RBFOX1: variants seen among roughly 807,000 people sequenced by gnomAD.
RBFOX1 encodes the protein RNA binding protein fox-1 homolog 1.
Under a neutral mutation model 57.7 loss-of-function variants are expected in RBFOX1, and 8 were observed. The observed-to-expected ratio is 0.14, with a 90% CI of 0.08 to 0.25. The LOEUF is 0.25. Ranked by LOEUF, RBFOX1 falls within the 10% of genes least tolerant of loss-of-function variation. The pLI is 1.00. For missense variants in RBFOX1, 611 were observed against 548.5 expected (o/e 1.11, Z -1.14); for synonymous variants, 326 against 222.4 (o/e 1.47, Z -4.15).
chr16:7,565,132 G>C (rs867041056), intron 5 of RBFOX1, among the ~76,000 whole-genome samples: 1 of 152,138 alleles, frequency 6.6e-6, no homozygotes, highest in Admixed American at 6.5e-5. Flanking sequence ...GTGGGTTTTA[G>C]TTCACATTCC....
chr16:6,653,339 A>C (rs2098613509), intron 2 of RBFOX1, among the ~76,000 whole-genome samples: 1 of 152,166 alleles, frequency 6.6e-6, no homozygotes, highest in Non-Finnish European at 1.5e-5. Context: ...GAATGTAAGC[A>C]TCACCAGGGC....
chr16:7,311,302 C>G (rs1461678957), intron 4 of RBFOX1, among the ~76,000 whole-genome samples: 1 of 152,008 alleles, frequency 6.6e-6, no homozygotes, highest in Non-Finnish European at 1.5e-5. Flanking sequence ...GGAAGGGGAA[C>G]TGGAGTGGAA....
At chr16:5,467,188 CTCTCTCTCT>C (rs2068978677) in intron 1 of RBFOX1, 4 of 1,463,638 alleles carry the variant, frequency 2.7e-6, no homozygotes, top group South Asian at 2.5e-5. Context: ...CTCTCTCTCT[CTCTCTCTCT>C]TTTTTTTTTT....
At chr16:7,437,400 T>A (rs2098731585) in intron 4 of RBFOX1, among the ~76,000 whole-genome samples, 2 of 152,098 alleles carry the variant, frequency 1.3e-5, no homozygotes, top group Non-Finnish European at 2.9e-5. Context: ...GGCTCTCCCA[T>A]GTCAGATTCT....
chr16:5,760,249 C>T (rs950648508), intron 3 of RBFOX1, among the ~76,000 whole-genome samples: 1 of 152,030 alleles, frequency 6.6e-6, no homozygotes, highest in South Asian at 2.1e-4. Context: ...CAAACAGAGA[C>T]AGTTGGTTGC....
At chr16:7,586,240 T>G (rs1016514365) in intron 6 of RBFOX1, among the ~76,000 whole-genome samples, 1 of 152,198 alleles carries the variant, frequency 6.6e-6, no homozygotes, top group Non-Finnish European at 1.5e-5. Flanking sequence ...CTCGTACTTA[T>G]GCAGGTTAGG....
chr16:7,416,264 G>C (rs143478772), intron 4 of RBFOX1, among the ~76,000 whole-genome samples: 1 of 152,148 alleles, frequency 6.6e-6, no homozygotes, highest in Non-Finnish European at 1.5e-5. Context: ...CTCCCTTTCT[G>C]TGTCTCTCAG....
intron 4 of RBFOX1, among the ~76,000 whole-genome samples, chr16:7,161,439 G>A (rs764685387): frequency 1.1e-4 from 16 of 152,220 alleles, no homozygotes; most frequent in Non-Finnish European, 1.8e-4. Context: ...CTAAGTGTGA[G>A]GCACTTGAAA....
chr16:6,539,806 G>GACACACACACACACAC (rs35407844), intron 2 of RBFOX1, among the ~76,000 whole-genome samples: 3,065 of 136,254 alleles, frequency 0.022, 109 homozygotes, highest in Admixed American at 0.061. Flanking sequence ...TCAAAACACA[G>GACACACACACACACAC]ACACACACAC....
intron 2 of RBFOX1, among the ~76,000 whole-genome samples, chr16:6,488,345 T>G (rs9939225): frequency 1.3e-5 from 2 of 152,226 alleles, no homozygotes; most frequent in African/African-American, 4.8e-5. Flanking sequence ...GGTCTTCCAT[T>G]TGTATTAAAA....
chr16:7,688,755 G>A (rs1397703150), intron 14 of RBFOX1, among the ~76,000 whole-genome samples: 1 of 152,120 alleles, frequency 6.6e-6, no homozygotes, highest in Non-Finnish European at 1.5e-5. Context: ...AGTGACATAA[G>A]AGTGAAAGAG....
chr16:6,236,095 A>G (rs1408226333), intron 1 of RBFOX1, among the ~76,000 whole-genome samples: 2 of 152,244 alleles, frequency 1.3e-5, no homozygotes, highest in African/African-American at 2.4e-5. Flanking sequence ...AGAGTTTCTC[A>G]TAGGCATGAT....
chr16:7,151,751 A>C (rs1419978705), intron 4 of RBFOX1, among the ~76,000 whole-genome samples: 1 of 152,100 alleles, frequency 6.6e-6, no homozygotes, highest in Non-Finnish European at 1.5e-5. Flanking sequence ...CTGCAACTAG[A>C]CAGTCCCATC....
intron 1 of RBFOX1, among the ~76,000 whole-genome samples, chr16:5,363,535 T>C (rs1003915141): frequency 3.3e-5 from 5 of 152,202 alleles, no homozygotes; most frequent in African/African-American, 1.2e-4. Flanking sequence ...CTCTTCTCTC[T>C]GCAACAAGCT....
intron 1 of RBFOX1, among the ~76,000 whole-genome samples, chr16:6,174,721 G>A (rs1438119029): frequency 6.6e-6 from 1 of 152,222 alleles, no homozygotes; most frequent in Admixed American, 6.5e-5. Flanking sequence ...TGATTTGGAT[G>A]TTCTGCACCT....
intron 4 of RBFOX1, among the ~76,000 whole-genome samples, chr16:7,056,141 A>C (rs1448124893): frequency 6.6e-6 from 1 of 152,174 alleles, no homozygotes; most frequent in Non-Finnish European, 1.5e-5. Context: ...TAACCAGCTC[A>C]GCCCACAGAT....
At chr16:5,273,640 T>A (rs891516941) in intron 1 of RBFOX1, among the ~76,000 whole-genome samples, 1 of 152,032 alleles carries the variant, frequency 6.6e-6, no homozygotes, top group South Asian at 2.1e-4. Flanking sequence ...GAAGCCAAGA[T>A]GAAGAGAAGG....
chr16:5,928,787 G>C (rs961935550), intron 4 of RBFOX1, among the ~76,000 whole-genome samples: 1 of 151,446 alleles, frequency 6.6e-6, no homozygotes. Context: ...TTCCACAGTT[G>C]TCTGACCAGT....
chr16:7,365,488 T>C (rs548626071), intron 4 of RBFOX1, among the ~76,000 whole-genome samples: 3 of 152,360 alleles, frequency 2.0e-5, no homozygotes, highest in East Asian at 3.9e-4. Context: ...AGTGATTTTT[T>C]TCCCCCCCAC....
Sources: allele counts gnomAD v4.1 joint callset (sites outside exome capture counted in the v4.1 genomes callset), GRCh38; gene constraint gnomAD v4.1.1; transcripts MANE v1.5; gene names NCBI Gene and HGNC (gene_info 2026-07-23, HGNC 2026-07-21).